GRID2: variants seen among roughly 807,000 people sequenced by gnomAD.
GRID2 encodes glutamate ionotropic receptor delta type subunit 2, also known as glutamate receptor ionotropic, delta-2.
Under a neutral mutation model 114.8 loss-of-function variants are expected in GRID2, and 33 were observed. The observed-to-expected ratio is 0.29, with a 90% CI of 0.22 to 0.38. The LOEUF (loss-of-function observed/expected upper bound fraction) is 0.38. Among genes scored for constraint, GRID2 ranks in the 10% least tolerant of loss-of-function variants. The pLI is 1.00. For missense variants in GRID2, 1,184 were observed against 1,257.7 expected (o/e 0.94, Z 0.89); for synonymous variants, 505 against 449.9 (o/e 1.12, Z -1.55).
At chr4:93,561,819 A>G (rs943472585) in intron 13 of GRID2, among the ~76,000 whole-genome samples, 1 of 152,128 alleles carries the variant, frequency 6.6e-6, no homozygotes, top group African/African-American at 2.4e-5. Flanking sequence ...ACTTAGTAAT[A>G]TGCATCTAAG....
chr4:92,525,544 A>G (rs1401870680), intron 1 of GRID2, among the ~76,000 whole-genome samples: 1 of 152,124 alleles, frequency 6.6e-6, no homozygotes, highest in Non-Finnish European at 1.5e-5. Flanking sequence ...GGCATGAGAA[A>G]AAAGAAGCAG....
chr4:92,406,405 G>A lies in GRID2; in HGVS notation c.88+101661G>A, dbSNP rs1186002893. On this transcript the variant is annotated intron_variant, in intron 1 of 15. Transcript: ENST00000282020. ...ATGTTACAGTCAAATGCCCAGTAAT[G>A]TACATTAATGATTTCATTTTAGAAA... 3.9e-5 allele frequency among the ~76,000 whole-genome samples: 6 copies of A among 152,072 alleles called. No homozygotes were observed. In the East Asian group the frequency reaches 7.7e-4, roughly 20 times the overall value.
At chr4:92,866,286 C>T (rs189484803) in intron 2 of GRID2, among the ~76,000 whole-genome samples, 163 of 152,280 alleles carry the variant, frequency 1.1e-3, no homozygotes, top group Admixed American at 2.9e-3. Context: ...TTATCAGTTG[C>T]TTCCTTCTCT....
chr4:92,488,972 T>C (rs973380654), intron 1 of GRID2, among the ~76,000 whole-genome samples: 1 of 152,134 alleles, frequency 6.6e-6, no homozygotes, highest in Non-Finnish European at 1.5e-5. Flanking sequence ...CACCAATTTA[T>C]AACACAAGCA....
intron 2 of GRID2, among the ~76,000 whole-genome samples, chr4:92,978,622 T>C (rs978316327): frequency 2.6e-5 from 4 of 152,180 alleles, no homozygotes; most frequent in African/African-American, 9.7e-5. Flanking sequence ...AAATTATGGA[T>C]GTTGTTAGTT....
At chr4:93,285,320 G>A (rs1484582492) in intron 8 of GRID2, among the ~76,000 whole-genome samples, 1 of 151,844 alleles carries the variant, frequency 6.6e-6, no homozygotes, top group African/African-American at 2.4e-5. Flanking sequence ...TGATACTTCT[G>A]CTTTTGCAAA....
intron 14 of GRID2, among the ~76,000 whole-genome samples, chr4:93,702,430 T>C (rs1391856136): frequency 6.6e-6 from 1 of 152,192 alleles, no homozygotes; most frequent in Non-Finnish European, 1.5e-5. Flanking sequence ...GTTCATTCAC[T>C]TTAAATGCTT....
In GRID2 at chr4:92,909,559, A is replaced by G. The variant is rs376691265; in HGVS notation, c.245-175436A>G. On this transcript the variant is annotated intron_variant, in intron 2 of 15. Transcript: ENST00000282020. ...TCCTGATTCCAGGATTGAAATTTCCACATTCTAGGAAACTCCTCAGTTGCA... is the reference window on the plus strand; with the variant it reads ...TCCTGATTCCAGGATTGAAATTTCCGCATTCTAGGAAACTCCTCAGTTGCA... Among the ~76,000 whole-genome samples the G allele has an allele frequency of 1.5e-3, 232 of 152,214 alleles. 6 individuals are homozygous for G. The South Asian group carries it at 0.046, about 30-fold the overall frequency.
chr4:93,088,138 G>A (rs1274738834), intron 3 of GRID2, among the ~76,000 whole-genome samples: 1 of 152,068 alleles, frequency 6.6e-6, no homozygotes. Flanking sequence ...CTTTTCAAAA[G>A]CAGTTAATTA....
At chr4:93,281,988 G>A (rs1240392853) in intron 8 of GRID2, among the ~76,000 whole-genome samples, 1 of 151,996 alleles carries the variant, frequency 6.6e-6, no homozygotes, top group African/African-American at 2.4e-5. Flanking sequence ...TACAGTTAAA[G>A]TTGAATAATA....
At chr4:93,031,866 ACT>A (rs566130920) in intron 2 of GRID2, among the ~76,000 whole-genome samples, 156 of 152,016 alleles carry the variant, frequency 1.0e-3, no homozygotes, top group Admixed American at 3.9e-3. Context: ...ACCTCTTGTA[ACT>A]CTACAATTGT....
intron 1 of GRID2, among the ~76,000 whole-genome samples, chr4:92,434,665 A>T (rs143159314): frequency 3.9e-5 from 6 of 152,104 alleles, no homozygotes; most frequent in African/African-American, 1.4e-4. Context: ...CACATATATC[A>T]GTTTTGGTGG....
At chr4:93,387,758 A>G (rs1764463596) in intron 8 of GRID2, among the ~76,000 whole-genome samples, 1 of 149,962 alleles carries the variant, frequency 6.7e-6, no homozygotes, top group African/African-American at 2.5e-5. Flanking sequence ...TGAACCTGGG[A>G]GGCCGAGGCC....
At chr4:92,483,575 C>A (rs1027230892) in intron 1 of GRID2, among the ~76,000 whole-genome samples, 2 of 152,044 alleles carry the variant, frequency 1.3e-5, no homozygotes, top group Admixed American at 1.3e-4. Flanking sequence ...AGAGTAAAAT[C>A]CTGGGTCAGG....
At chr4:92,383,674 C>T (rs1158912299) in intron 1 of GRID2, among the ~76,000 whole-genome samples, 3 of 151,710 alleles carry the variant, frequency 2.0e-5, no homozygotes, top group African/African-American at 7.3e-5. Context: ...CTTTTTCTTC[C>T]TCTTCCTCTT....
intron 1 of GRID2, among the ~76,000 whole-genome samples, chr4:92,473,783 ATTTG>A (rs1270939806): frequency 1.3e-5 from 2 of 151,890 alleles, no homozygotes; most frequent in East Asian, 1.9e-4. Flanking sequence ...TCCTTCTATA[ATTTG>A]TTTCTTTTTT....
intron 1 of GRID2, among the ~76,000 whole-genome samples, chr4:92,549,552 A>G (rs1260941044): frequency 1.3e-5 from 2 of 152,178 alleles, no homozygotes; most frequent in Non-Finnish European, 2.9e-5. Context: ...ATGTTATTAA[A>G]TGACAAAGGG....
At position 93,151,585 on chromosome 4, in the gene GRID2, G is replaced by A. The variant is rs150182035; in HGVS notation, c.735+40632G>A. Among the ~76,000 whole-genome samples, 631 of 152,140 alleles carry A rather than the reference G, an allele frequency of 4.1e-3. 8 individuals are homozygous for A. The highest frequency in any genetic ancestry group is 0.015 in the African/African-American group (608 of 41,540). ...GCAAAATATCCAAAATATTATAGCTGTGACACTTACAAACTATGAATAGAA... is the reference window on the plus strand; with the variant it reads ...GCAAAATATCCAAAATATTATAGCTATGACACTTACAAACTATGAATAGAA... On this transcript the variant is annotated intron_variant, in intron 4 of 15. Transcript: ENST00000282020.
At chr4:92,337,260 G>A (rs1235943923) in intron 1 of GRID2, among the ~76,000 whole-genome samples, 1 of 151,926 alleles carries the variant, frequency 6.6e-6, no homozygotes, top group Non-Finnish European at 1.5e-5. Flanking sequence ...ATAGAAAACG[G>A]TTTATTTAAC....
Sources: allele counts gnomAD v4.1 joint callset (sites outside exome capture counted in the v4.1 genomes callset), GRCh38; gene constraint gnomAD v4.1.1; transcripts MANE v1.5; gene names NCBI Gene and HGNC (gene_info 2026-07-23, HGNC 2026-07-21).